The following KCNQ5 variants were observed in gnomAD, a reference collection of about 807,000 sequenced individuals.
The protein encoded by KCNQ5 is potassium voltage-gated channel subfamily Q member 5.
Under a neutral mutation model 98.2 loss-of-function variants are expected in KCNQ5, and 30 were observed. The ratio of observed to expected loss-of-function variants is 0.31; its 90% CI spans 0.23 to 0.41. KCNQ5 has a LOEUF of 0.41. Ranked by LOEUF, KCNQ5 falls within the 10% of genes least tolerant of loss-of-function variation. The pLI, the probability that KCNQ5 is intolerant of heterozygous loss-of-function variation, is 1.00. For synonymous variants in KCNQ5, 458 were observed against 449.4 expected, an observed-to-expected ratio of 1.02 and a Z score of -0.24; for missense variants, 835 against 1,182.5, an observed-to-expected ratio of 0.71 and a Z score of 4.31.
chr6:72,674,108 C>T (rs1336308490), intron 1 of KCNQ5, among the ~76,000 whole-genome samples: 3 of 152,096 alleles, frequency 2.0e-5, no homozygotes, highest in South Asian at 2.1e-4. Context: ...GAGACTGTAC[C>T]GTGAATAGTA....
chr6:73,040,262 G>A (rs1042056233), intron 2 of KCNQ5, among the ~76,000 whole-genome samples: 2 of 152,136 alleles, frequency 1.3e-5, no homozygotes, highest in African/African-American at 4.8e-5. Flanking sequence ...GCCACATTTG[G>A]GATTTTCTTG....
Position 73,198,765 on chromosome 6 carries a change from C to T in KCNQ5, c.*3351C>T, listed in dbSNP as rs1165855551. 1 of 152,204 alleles carries T rather than the reference C, an allele frequency of 6.6e-6. No homozygotes were observed. The highest frequency in any genetic ancestry group is 1.5e-5 in the Non-Finnish European group (1 of 68,032). The allele number at this position is 152,204 out of a possible 1,614,324, so 9.4% of individuals were successfully genotyped here. A position where few individuals can be genotyped will look rare whatever the true frequency, so the allele number is the denominator to read the frequency against. On this transcript the variant is annotated 3_prime_UTR_variant, in exon 14 of 14. Transcript: ENST00000370398. ...TAAATCGGGAACACCATATCCATTT[C>T]AAGCTATCATTAAAGTGTAATTTCC...
intron 1 of KCNQ5, among the ~76,000 whole-genome samples, chr6:72,936,959 A>AT (rs1765951186): frequency 6.6e-6 from 1 of 152,094 alleles, no homozygotes; most frequent in Non-Finnish European, 1.5e-5. Context: ...TCATTTGTGT[A>AT]TTTTGCATAA....
At chr6:72,727,718 T>C (rs1770359524) in intron 1 of KCNQ5, among the ~76,000 whole-genome samples, 1 of 152,190 alleles carries the variant, frequency 6.6e-6, no homozygotes, top group African/African-American at 2.4e-5. Context: ...CAGGAAGTAT[T>C]TATTTCTTCC....
At chr6:72,634,987 G>A (rs903467396) in intron 1 of KCNQ5, among the ~76,000 whole-genome samples, 8 of 151,224 alleles carry the variant, frequency 5.3e-5, no homozygotes, top group South Asian at 2.1e-4. Context: ...TTCGTATTGC[G>A]TAGCAACTTA....
chr6:73,063,721 T>TGATA (rs11388162), intron 3 of KCNQ5, among the ~76,000 whole-genome samples: 13,065 of 95,446 alleles, frequency 0.14, 1,022 homozygotes, highest in Non-Finnish European at 0.14. Flanking sequence ...GATAGATAGA[T>TGATA]GATAGATAGA....
At chr6:73,171,988 G>T (rs1180324693) in intron 11 of KCNQ5, among the ~76,000 whole-genome samples, 1 of 152,102 alleles carries the variant, frequency 6.6e-6, no homozygotes, top group Admixed American at 6.6e-5. Context: ...GGTTTATTCT[G>T]CTAGCTAAGC....
chr6:72,977,303 C>A (rs1768201406), intron 1 of KCNQ5, among the ~76,000 whole-genome samples: 1 of 152,108 alleles, frequency 6.6e-6, no homozygotes, highest in South Asian at 2.1e-4. Flanking sequence ...TGGCTGCAGG[C>A]AGGGGAAGTA....
chr6:73,089,741 C>A (rs1271516009), intron 5 of KCNQ5, among the ~76,000 whole-genome samples: 1 of 150,906 alleles, frequency 6.6e-6, no homozygotes, highest in Non-Finnish European at 1.5e-5. Context: ...GCCATTAATT[C>A]ATTCCTCTTT....
At chr6:73,190,165 A>G (rs79637351) in intron 11 of KCNQ5, among the ~76,000 whole-genome samples, 1,696 of 152,336 alleles carry the variant, frequency 0.011, 19 homozygotes, top group Non-Finnish European at 0.015. Context: ...TATCTCAAAA[A>G]TGCATGTAGT....
At chr6:73,057,987 T>C (rs1424825507) in intron 3 of KCNQ5, among the ~76,000 whole-genome samples, 1 of 152,042 alleles carries the variant, frequency 6.6e-6, no homozygotes, top group Non-Finnish European at 1.5e-5. Context: ...AAACAAGCAA[T>C]GGGAAAAGAA....
chr6:72,843,031 G>A (rs935743078), intron 1 of KCNQ5, among the ~76,000 whole-genome samples: 59 of 152,184 alleles, frequency 3.9e-4, no homozygotes, highest in African/African-American at 1.3e-3. Flanking sequence ...CATTGCTTTC[G>A]GTATTTTAGT....
At chr6:72,660,009 G>A (rs1289083351) in intron 1 of KCNQ5, among the ~76,000 whole-genome samples, 2 of 152,056 alleles carry the variant, frequency 1.3e-5, no homozygotes, top group South Asian at 2.1e-4. Flanking sequence ...TTCCGTTCTT[G>A]TCCCTTGTGG....
At chr6:72,793,276 G>A (rs898865434) in intron 1 of KCNQ5, among the ~76,000 whole-genome samples, 4 of 152,122 alleles carry the variant, frequency 2.6e-5, no homozygotes, top group Admixed American at 2.0e-4. Context: ...AGAATATTGT[G>A]GTTAGTTTTG....
At chr6:72,694,713 T>A (rs1034806532) in intron 1 of KCNQ5, among the ~76,000 whole-genome samples, 40 of 152,336 alleles carry the variant, frequency 2.6e-4, no homozygotes, top group South Asian at 4.1e-4. Context: ...CACCTTTTTT[T>A]AAAATAATTT....
intron 3 of KCNQ5, among the ~76,000 whole-genome samples, chr6:73,075,591 C>T (rs1236632022): frequency 6.6e-6 from 1 of 152,186 alleles, no homozygotes; most frequent in African/African-American, 2.4e-5. Context: ...ATTGTACATA[C>T]TGTTTTGCAA....
intron 9 of KCNQ5, among the ~76,000 whole-genome samples, chr6:73,130,485 T>C (rs1232133382): frequency 1.3e-5 from 2 of 152,290 alleles, no homozygotes; most frequent in East Asian, 3.9e-4. Context: ...ATTTTTTTTT[T>C]ACTTTCTGCA....
chr6:72,918,798 G>A (rs1342147002), intron 1 of KCNQ5, among the ~76,000 whole-genome samples: 11 of 152,128 alleles, frequency 7.2e-5, no homozygotes, highest in Admixed American at 5.2e-4. Context: ...AATATGTTAG[G>A]GTGAAAGAAC....
intron 1 of KCNQ5, among the ~76,000 whole-genome samples, chr6:72,722,226 A>G (rs892353689): frequency 6.6e-6 from 1 of 152,202 alleles, no homozygotes; most frequent in African/African-American, 2.4e-5. Flanking sequence ...CTCCAGAACT[A>G]TAAGATAATA....
Sources: gnomAD v4.1 joint callset for allele counts (sites outside exome capture counted in the v4.1 genomes callset) on GRCh38, gnomAD v4.1.1 for gene constraint, MANE v1.5 for transcripts, NCBI Gene and HGNC (gene_info 2026-07-23, HGNC 2026-07-21) for gene names.